The following ZFP30 variants were observed in gnomAD, a reference collection of about 807,000 sequenced individuals.
ZFP30 encodes zinc finger protein 30 homolog.
Under a neutral mutation model 12.3 loss-of-function variants are expected in ZFP30, and 16 were observed. The ratio of observed to expected loss-of-function variants is 1.30; its 90% CI spans 0.88 to 1.98. The LOEUF is 1.98. Among genes scored for constraint, ZFP30 ranks in the 30% most tolerant of loss-of-function variants. The pLI, the probability that ZFP30 is intolerant of heterozygous loss-of-function variation, is 0.00. For synonymous variants in ZFP30, 172 were observed against 201.0 expected, an observed-to-expected ratio of 0.86 and a Z score of 1.22; for missense variants, 560 against 611.2, an observed-to-expected ratio of 0.92 and a Z score of 0.88.
At chr19:37,653,874 T>C (rs886586702) in intron 2 of ZFP30, among the ~76,000 whole-genome samples, 10 of 152,222 alleles carry the variant, frequency 6.6e-5, no homozygotes, top group East Asian at 1.9e-4. Flanking sequence ...CAAGGACTTA[T>C]GTTACCAATC....
In ZFP30 at chr19:37,631,860, T is replaced by C. The variant is rs556208992; in HGVS notation, c.*3121A>G. On this transcript the variant is annotated 3_prime_UTR_variant, in exon 6 of 6. Coordinates refer to ENST00000684514, the MANE Select transcript of ZFP30 (RefSeq NM_001320669.3). ...ACATAAATGATTTTCTATTCTAAAC[T>C]GTTGGATATAATTTCCCATAGAAAT... 7 of 152,266 alleles carry C rather than the reference T, an allele frequency of 4.6e-5. No homozygotes were observed. In the East Asian group the frequency reaches 1.4e-3, roughly 29 times the overall value. 9.4% of individuals were successfully genotyped at this position (152,266 alleles called of 1,614,324 possible).
chr19:37,634,298 G>A lies in ZFP30; in HGVS notation c.*683C>T, dbSNP rs1449137139. ...AATTCAGGTTCAATATTTTTGGCAA[G>A]ATGTGTATATCTTACTGTAGCACAT... On this transcript the variant is annotated 3_prime_UTR_variant, in exon 6 of 6. Coordinates refer to ENST00000684514, the MANE Select transcript of ZFP30 (RefSeq NM_001320669.3). The A allele has an allele frequency of 6.6e-6, 1 of 152,124 alleles. No homozygotes were observed. The highest frequency in any genetic ancestry group is 2.4e-5 in the African/African-American group (1 of 41,426). The allele number at this position is 152,124 out of a possible 1,614,324, so 9.4% of individuals were successfully genotyped here.
At position 37,644,849 on chromosome 19, in the gene ZFP30, G is replaced by C. The variant is rs142977890; in HGVS notation, c.10-113C>G. 196 of 1,057,464 alleles carry C rather than the reference G, an allele frequency of 1.9e-4. 4 individuals carry two copies. The African/African-American group carries it at 2.9e-3, about 15-fold the overall frequency. 65.5% of individuals were successfully genotyped at this position (1,057,464 alleles called of 1,614,324 possible). A position where few individuals can be genotyped will look rare whatever the true frequency, so the allele number is the denominator to read the frequency against. ...CTTATAATTCTAGCTTTGGGAGCCT[G>C]AAGCAGGAGGACTGCTTGAGGCCAG... is the stretch of plus-strand genomic sequence containing the variant. On this transcript the variant is annotated intron_variant, in intron 3 of 5. Coordinates refer to ENST00000684514, the MANE Select transcript of ZFP30 (RefSeq NM_001320669.3).
chr19:37,642,982 G>A (rs1413725212), intron 5 of ZFP30, among the ~76,000 whole-genome samples: 1 of 151,518 alleles, frequency 6.6e-6, no homozygotes, highest in African/African-American at 2.4e-5. Context: ...GAACCCGGGA[G>A]GCGGAGCTTG....
intron 5 of ZFP30, among the ~76,000 whole-genome samples, chr19:37,637,090 T>C (rs998646055): frequency 2.0e-5 from 3 of 152,212 alleles, no homozygotes; most frequent in Non-Finnish European, 4.4e-5. Context: ...TGGTTGGGTT[T>C]CTTTCATCCA....
Position 37,636,278 on chromosome 19 carries a change from T to A in ZFP30, c.263A>T (p.Lys88Met), listed in dbSNP as rs1196800515. 6.2e-7 allele frequency: 1 copy of A among 1,600,008 alleles called. No homozygotes were observed. Among genetic ancestry groups the A allele is most frequent in the African/African-American group, 1.4e-5 (1 of 73,966 alleles). ...LDLESRYDTK[K>M]LFQGKDIYEM... ...ATAAATATCCTTTCCTTGAAATAAC[T>A]TTTTAGTGTCATATCTGGATTCCAA... Residue 88 changes from lysine to methionine, a missense_variant, in exon 6 of 6, where the codon AAG (lysine) becomes ATG (methionine). Coordinates refer to ENST00000684514, the MANE Select transcript of ZFP30 (RefSeq NM_001320669.3).
In ZFP30 at chr19:37,635,818, C is replaced by T. The variant is rs539792208; in HGVS notation, c.723G>A (p.Pro241=). The part of the protein sequence containing the change: ...VHQRIHIGEK[P]YECKECGKAF... ...CTTTCCCACATTCTTTACATTCATA[C>T]GGCTTCTCACCAATATGAATTCTCT... Residue 241 remains proline, a synonymous_variant, in exon 6 of 6, where the codon CCG becomes CCA. Transcript: ENST00000684514. The T allele has an allele frequency of 2.1e-4, 334 of 1,613,884 alleles. 8 individuals carry two copies. In the South Asian group the frequency reaches 3.1e-3, roughly 15 times the overall value.
chr19:37,635,560 T>C lies in ZFP30; in HGVS notation c.981A>G (p.Glu327=), dbSNP rs1568378708. The change falls in exon 6 of 6, where the codon GAA becomes GAG. Residue 327 remains glutamate (E), a synonymous_variant. Transcript: ENST00000684514. The part of the protein sequence containing the change: ...HKLHTGEKPY[E]CKECGKAFRV... Reference sequence around the variant, plus strand: ...TAAAGGCCTTTCCACACTCCTTACATTCATAGGGTTTTTCTCCAGTATGAA... The same window carrying C: ...TAAAGGCCTTTCCACACTCCTTACACTCATAGGGTTTTTCTCCAGTATGAA... 6 of 1,614,150 alleles carry C rather than the reference T, an allele frequency of 3.7e-6. No homozygotes were observed. The highest frequency in any genetic ancestry group is 5.1e-6 in the Non-Finnish European group (6 of 1,180,030).
intron 2 of ZFP30, among the ~76,000 whole-genome samples, chr19:37,654,007 T>C (rs1367380748): frequency 6.6e-6 from 1 of 152,200 alleles, no homozygotes; most frequent in Non-Finnish European, 1.5e-5. Context: ...CTGAGCATCA[T>C]CATTTTAATA....
At chr19:37,648,930 G>C (rs566909404) in intron 2 of ZFP30, among the ~76,000 whole-genome samples, 48 of 152,128 alleles carry the variant, frequency 3.2e-4, no homozygotes, top group Non-Finnish European at 5.0e-4. Flanking sequence ...GCCTGAGTGT[G>C]GATAATGTTC....
In ZFP30 at chr19:37,654,816, C is replaced by G. The variant is rs937617438; in HGVS notation, c.-182G>C. 1 of 152,388 alleles carries G rather than the reference C, an allele frequency of 6.6e-6. No individual in the cohort carries two copies. The highest frequency in any genetic ancestry group is 1.9e-4 in the East Asian group (1 of 5,182). The allele number at this position is 152,388 out of a possible 1,614,324, so 9.4% of individuals were successfully genotyped here. ...GAAGCAGGCAGAGTTCAGGACACCC[C>G]AGGCTTTTCTTGACTCGATTGGAAC... On this transcript the variant is annotated 5_prime_UTR_variant, in exon 2 of 6. Transcript: ENST00000684514.
At position 37,644,701 on chromosome 19, in the gene ZFP30, A is replaced by G. The variant is rs1237388577; in HGVS notation, c.45T>C (p.Phe15=). ...TCAGGCATTCCCATTCTTCCTGAGA[A>G]AAGTCTACAGCCACATCTCTGAACA... is the stretch of plus-strand genomic sequence containing the variant. The part of the protein sequence containing the change: ...LVMFRDVAVD[F]SQEEWECLNS... The change falls in exon 4 of 6, where the codon TTT becomes TTC. Residue 15 remains phenylalanine (F), a synonymous_variant. Coordinates refer to ENST00000684514, the MANE Select transcript of ZFP30 (RefSeq NM_001320669.3). 1 of 1,613,744 alleles carries G rather than the reference A, an allele frequency of 6.2e-7. No homozygotes were observed. Among genetic ancestry groups the G allele is most frequent in the South Asian group, 1.1e-5 (1 of 90,996 alleles).
Position 37,634,647 on chromosome 19 carries a change from C to G in ZFP30, c.*334G>C, listed in dbSNP as rs1047416474. 4 of 200,712 alleles carry G rather than the reference C, an allele frequency of 2.0e-5. No homozygotes were observed. The East Asian group carries it at 4.7e-4, about 24-fold the overall frequency. 12.4% of individuals were successfully genotyped at this position (200,712 alleles called of 1,614,324 possible). On this transcript the variant is annotated 3_prime_UTR_variant, in exon 6 of 6. Coordinates refer to ENST00000684514, the MANE Select transcript of ZFP30 (RefSeq NM_001320669.3). ...CTAAATGACTTTCCTTTCATTTACA[C>G]ATTTTCAGAATGAAGTGGTTCCCTA...
intron 4 of ZFP30, among the ~76,000 whole-genome samples, chr19:37,644,132 A>G (rs2044492846): frequency 1.3e-5 from 2 of 152,240 alleles, no homozygotes; most frequent in Admixed American, 6.5e-5. Flanking sequence ...AAGACCGGTA[A>G]TAACAGAAAA....
At chr19:37,638,162 C>T (rs1330724791) in intron 5 of ZFP30, among the ~76,000 whole-genome samples, 2 of 152,196 alleles carry the variant, frequency 1.3e-5, no homozygotes, top group East Asian at 1.9e-4. Context: ...TTGCAGATAC[C>T]TCCACTGCAG....
Position 37,647,656 on chromosome 19 carries a change from A to G in ZFP30, c.9+158T>C, listed in dbSNP as rs554914702. ...ACAGATGGAGAAGACAGGGGCACTT[A>G]GGAATCTGGCTGGCTCCATCCCGTG... On this transcript the variant is annotated intron_variant, in intron 3 of 5. Coordinates refer to ENST00000684514, the MANE Select transcript of ZFP30 (RefSeq NM_001320669.3). Among the ~76,000 whole-genome samples the G allele has an allele frequency of 3.3e-5, 5 of 152,330 alleles. No homozygotes were observed. The South Asian group carries it at 1.0e-3, about 32-fold the overall frequency.
At position 37,633,219 on chromosome 19, in the gene ZFP30, A is replaced by T. The variant is rs1030096342; in HGVS notation, c.*1762T>A. 2.6e-5 allele frequency: 4 copies of T among 151,842 alleles called. No individual in the cohort carries two copies. The highest frequency in any genetic ancestry group is 6.6e-5 in the Admixed American group (1 of 15,240). 9.4% of individuals were successfully genotyped at this position (151,842 alleles called of 1,614,324 possible). On this transcript the variant is annotated 3_prime_UTR_variant, in exon 6 of 6. Coordinates refer to ENST00000684514, the MANE Select transcript of ZFP30 (RefSeq NM_001320669.3). ...ATACCATGGGTACTATAATATAGAG[A>T]TAGAGAGGTCAACTAAATAAAATGT...
In ZFP30 at chr19:37,644,837, C is replaced by T. The variant is rs573646482; in HGVS notation, c.10-101G>A. 6.2e-5 allele frequency: 75 copies of T among 1,211,234 alleles called. 1 individual carries two copies. The South Asian group carries it at 9.9e-4, about 16-fold the overall frequency. 75.0% of individuals were successfully genotyped at this position (1,211,234 alleles called of 1,614,324 possible). A position where few individuals can be genotyped will look rare whatever the true frequency, so the allele number is the denominator to read the frequency against. ...AGTGGCTCAATGCTTATAATTCTAG[C>T]TTTGGGAGCCTGAAGCAGGAGGACT... On this transcript the variant is annotated intron_variant, in intron 3 of 5. Coordinates refer to ENST00000684514, the MANE Select transcript of ZFP30 (RefSeq NM_001320669.3).
chr19:37,648,404 CT>C (rs1184209337), intron 2 of ZFP30, among the ~76,000 whole-genome samples: 1 of 152,158 alleles, frequency 6.6e-6, no homozygotes, highest in Non-Finnish European at 1.5e-5. Context: ...ACCTGGATAT[CT>C]TTAAAATATA....
Sources: gnomAD v4.1 joint callset for allele counts (sites outside exome capture counted in the v4.1 genomes callset) on GRCh38, gnomAD v4.1.1 for gene constraint, MANE v1.5 for transcripts, NCBI Gene and HGNC (gene_info 2026-07-23, HGNC 2026-07-21) for gene names.